Variants in FMN1 observed in about 807,000 individuals in gnomAD.
The protein encoded by FMN1 is formin 1.
A neutral mutation model predicts 132.4 loss-of-function variants in FMN1; 110 were observed. The observed-to-expected ratio is 0.83, with a 90% CI of 0.71 to 0.97. FMN1 has a LOEUF of 0.97. Among genes scored for constraint, FMN1 ranks in the 50% least tolerant of loss-of-function variants. FMN1 has a pLI of 0.00. For synonymous variants in FMN1, 722 were observed against 651.7 expected (o/e 1.11, Z -1.64); for missense variants, 1,792 against 1,705.3 (o/e 1.05, Z -0.90).
At chr15:33,085,672 C>T (rs2038661782) in intron 5 of FMN1, among the ~76,000 whole-genome samples, 1 of 150,980 alleles carries the variant, frequency 6.6e-6, no homozygotes, top group African/African-American at 2.4e-5. Flanking sequence ...ATCAAAAAAC[C>T]TAAAAATACT....
chr15:33,116,745 T>C (rs1442098738), intron 4 of FMN1, among the ~76,000 whole-genome samples: 1 of 136,582 alleles, frequency 7.3e-6, no homozygotes, highest in Admixed American at 7.7e-5. Flanking sequence ...CAAATAATAC[T>C]AGATATGGCT....
At chr15:33,174,204 A>G (rs925137895) in intron 3 of FMN1, among the ~76,000 whole-genome samples, 3 of 152,216 alleles carry the variant, frequency 2.0e-5, no homozygotes, top group East Asian at 1.9e-4. Flanking sequence ...AGAAAAGAAA[A>G]GAAAAGCAAA....
At chr15:32,807,440 T>C (rs1567199812) in intron 17 of FMN1, among the ~76,000 whole-genome samples, 2 of 152,194 alleles carry the variant, frequency 1.3e-5, no homozygotes, top group Non-Finnish European at 2.9e-5. Context: ...TTCCCCAAAA[T>C]GTGAAACAAA....
intron 10 of FMN1, among the ~76,000 whole-genome samples, chr15:32,921,066 A>G (rs1463492866): frequency 6.6e-6 from 1 of 152,338 alleles, no homozygotes; most frequent in East Asian, 1.9e-4. Context: ...TTCTCGTGGT[A>G]GATGTAAATA....
intron 17 of FMN1, among the ~76,000 whole-genome samples, chr15:32,847,127 A>G (rs895227145): frequency 1.2e-4 from 19 of 152,294 alleles, no homozygotes; most frequent in African/African-American, 4.3e-4. Flanking sequence ...ACCCAATAAC[A>G]CCATCATGAG....
intron 4 of FMN1, among the ~76,000 whole-genome samples, chr15:33,125,732 T>C (rs1962997746): frequency 6.7e-6 from 1 of 148,484 alleles, no homozygotes; most frequent in African/African-American, 2.6e-5. Flanking sequence ...AAGAATGAAG[T>C]CTGTTAAATG....
intron 3 of FMN1, among the ~76,000 whole-genome samples, chr15:33,156,786 A>G (rs1964688963): frequency 6.6e-6 from 1 of 152,178 alleles, no homozygotes; most frequent in African/African-American, 2.4e-5. Flanking sequence ...GCTGAGCACT[A>G]AGCATTAGGA....
At chr15:32,827,751 G>A (rs570793752) in intron 17 of FMN1, among the ~76,000 whole-genome samples, 26 of 152,218 alleles carry the variant, frequency 1.7e-4, no homozygotes, top group African/African-American at 6.3e-4. Context: ...GGCTGAGGCA[G>A]GAGAATGGCG....
At chr15:32,965,474 G>A (rs890317824) in intron 8 of FMN1, among the ~76,000 whole-genome samples, 1 of 152,222 alleles carries the variant, frequency 6.6e-6, no homozygotes, top group African/African-American at 2.4e-5. Context: ...TCAAACATAG[G>A]TATATGTTAC....
intron 13 of FMN1, among the ~76,000 whole-genome samples, chr15:32,901,243 C>T (rs140813365): frequency 2.1e-4 from 32 of 152,184 alleles, no homozygotes; most frequent in Non-Finnish European, 4.1e-4. Flanking sequence ...ATTATTAGTG[C>T]GTGTATAATT....
intron 8 of FMN1, among the ~76,000 whole-genome samples, chr15:32,966,462 T>A (rs897411445): frequency 4.0e-5 from 6 of 151,768 alleles, no homozygotes; most frequent in African/African-American, 1.5e-4. Flanking sequence ...AACATACAAT[T>A]CTAGCTCAAA....
intron 7 of FMN1, among the ~76,000 whole-genome samples, chr15:33,005,384 T>C (rs751932522): frequency 1.3e-5 from 2 of 152,200 alleles, no homozygotes; most frequent in Non-Finnish European, 2.9e-5. Context: ...TTTAAAAATC[T>C]AAAGTATAGT....
At chr15:33,014,004 A>T (rs2034891067) in intron 6 of FMN1, among the ~76,000 whole-genome samples, 1 of 147,266 alleles carries the variant, frequency 6.8e-6, no homozygotes, top group Non-Finnish European at 1.5e-5. Flanking sequence ...ACATCTAGGA[A>T]AGCATGATTC....
At chr15:33,121,166 T>G (rs1253605734) in intron 4 of FMN1, among the ~76,000 whole-genome samples, 1 of 152,180 alleles carries the variant, frequency 6.6e-6, no homozygotes, top group African/African-American at 2.4e-5. Context: ...AGGACTTAGA[T>G]CAACAACAAC....
intron 10 of FMN1, among the ~76,000 whole-genome samples, chr15:32,917,993 C>T (rs374332567): frequency 4.6e-5 from 7 of 152,050 alleles, no homozygotes; most frequent in Non-Finnish European, 8.8e-5. Flanking sequence ...ACTTCTAATA[C>T]GCTATTGCAA....
chr15:32,813,460 T>C (rs1191092423), intron 17 of FMN1, among the ~76,000 whole-genome samples: 1 of 152,186 alleles, frequency 6.6e-6, no homozygotes, highest in East Asian at 1.9e-4. Context: ...GATGAGATGC[T>C]TTGCCCCAAG....
intron 6 of FMN1, among the ~76,000 whole-genome samples, chr15:33,036,263 C>CT (rs2036187445): frequency 6.6e-6 from 1 of 152,102 alleles, no homozygotes; most frequent in South Asian, 2.1e-4. Context: ...AGAAGAGAGC[C>CT]TGGTGTGTAG....
chr15:32,858,905 T>C lies in FMN1; in HGVS notation c.3836-1798A>G, dbSNP rs144083974. ...TGGATCTGTGGCCAAATGGTAAGTA[T>C]ATCCTTCCCACTACCATTCTTTTCT... On this transcript the variant is annotated intron_variant, in intron 16 of 20. Coordinates refer to ENST00000616417, the MANE Select transcript of FMN1 (RefSeq NM_001277313.2). Among the ~76,000 whole-genome samples, 27 of 152,316 alleles carry C rather than the reference T, an allele frequency of 1.8e-4. No individual in the cohort carries two copies. In the East Asian group the frequency reaches 5.0e-3, roughly 28 times the overall value.
chr15:32,824,429 T>A (rs943114286), intron 17 of FMN1, among the ~76,000 whole-genome samples: 1 of 152,354 alleles, frequency 6.6e-6, no homozygotes, highest in South Asian at 2.1e-4. Flanking sequence ...ACAGTATTTT[T>A]AAATTTTATT....
Sources: gnomAD v4.1 joint callset for allele counts (sites outside exome capture counted in the v4.1 genomes callset) on GRCh38, gnomAD v4.1.1 for gene constraint, MANE v1.5 for transcripts, NCBI Gene and HGNC (gene_info 2026-07-23, HGNC 2026-07-21) for gene names.